PIK3C3: variants seen among roughly 807,000 people sequenced by gnomAD.
PIK3C3 encodes the protein phosphatidylinositol 3-kinase catalytic subunit type 3, also known as PI3-kinase type 3.
A neutral mutation model predicts 126.1 loss-of-function variants in PIK3C3; 95 were observed. The observed-to-expected ratio is 0.75, with a 90% confidence interval of 0.64 to 0.89. PIK3C3 has a LOEUF of 0.89. PIK3C3 is among the 40% of genes least tolerant of loss of function. The pLI is 0.00. For synonymous variants in PIK3C3, 374 were observed against 360.0 expected (o/e 1.04, Z -0.44); for missense variants, 829 against 1,063.2 (o/e 0.78, Z 3.06).
chr18:42,033,604 A>C (rs998229117), intron 15 of PIK3C3, among the ~76,000 whole-genome samples: 2 of 152,214 alleles, frequency 1.3e-5, no homozygotes, highest in African/African-American at 4.8e-5. Context: ...GAAAAGTCCA[A>C]CTTTCACAGT....
chr18:42,035,707 T>C (rs1404502526), intron 16 of PIK3C3, among the ~76,000 whole-genome samples: 1 of 152,008 alleles, frequency 6.6e-6, no homozygotes, highest in African/African-American at 2.4e-5. Context: ...ATGAAAGTGA[T>C]GGATTATGCA....
intron 12 of PIK3C3, among the ~76,000 whole-genome samples, 154 bp downstream of exon 12, chr18:42,015,720 C>G (rs1983044610): frequency 1.3e-5 from 2 of 152,112 alleles, no homozygotes; most frequent in Admixed American, 6.6e-5. Flanking sequence ...ACTTTTCCCC[C>G]TCAGCATAAA....
chr18:41,972,206 C>T (rs1980703929), intron 4 of PIK3C3, among the ~76,000 whole-genome samples: 1 of 152,144 alleles, frequency 6.6e-6, no homozygotes, highest in Non-Finnish European at 1.5e-5. Flanking sequence ...AGTAACCCTT[C>T]ATGCTTGTTC....
intron 24 of PIK3C3, among the ~76,000 whole-genome samples, chr18:42,079,837 T>C (rs902553824): frequency 1.3e-5 from 2 of 152,132 alleles, no homozygotes; most frequent in Non-Finnish European, 2.9e-5. Context: ...TTCAAAAGCC[T>C]TCAAAAAGAA....
At chr18:42,062,095 A>G (rs781022353) in intron 22 of PIK3C3, among the ~76,000 whole-genome samples, 5 of 152,174 alleles carry the variant, frequency 3.3e-5, no homozygotes, top group Non-Finnish European at 7.3e-5. Context: ...GAGAACTTCT[A>G]ATATATCTCT....
chr18:41,971,582 A>G (rs1344131465), intron 4 of PIK3C3: 1 of 152,072 alleles, frequency 6.6e-6, no homozygotes, highest in African/African-American at 2.4e-5. Flanking sequence ...GGATATAGGA[A>G]AGGTCTCAAG....
intron 12 of PIK3C3, among the ~76,000 whole-genome samples, chr18:42,020,372 A>G (rs1016162667): frequency 6.6e-6 from 1 of 152,050 alleles, no homozygotes; most frequent in African/African-American, 2.4e-5. Flanking sequence ...TATTTCTATG[A>G]CCATTTCTTT....
chr18:42,032,913 TG>T (rs1983895117), intron 15 of PIK3C3, among the ~76,000 whole-genome samples: 5 of 152,148 alleles, frequency 3.3e-5, no homozygotes. Flanking sequence ...TCTTTGTCCT[TG>T]AAACATACTA....
chr18:42,020,979 G>T (rs557991024), intron 13 of PIK3C3, among the ~76,000 whole-genome samples: 2 of 152,074 alleles, frequency 1.3e-5, no homozygotes, highest in South Asian at 4.1e-4. Context: ...TATCTGTTTG[G>T]CATGTAAAGT....
At chr18:42,072,816 C>T (rs1985831350) in intron 24 of PIK3C3, among the ~76,000 whole-genome samples, 2 of 152,082 alleles carry the variant, frequency 1.3e-5, no homozygotes, top group South Asian at 4.1e-4. Flanking sequence ...ATTACAAGCA[C>T]GAGCCACCAT....
chr18:41,992,428 G>A (rs556055109), intron 6 of PIK3C3, among the ~76,000 whole-genome samples: 1 of 152,152 alleles, frequency 6.6e-6, no homozygotes, highest in East Asian at 1.9e-4. Context: ...CCCGCTTTCA[G>A]TCTCTCTTGA....
intron 4 of PIK3C3, among the ~76,000 whole-genome samples, chr18:41,984,350 T>A (rs1220602678): frequency 1.3e-5 from 2 of 152,186 alleles, no homozygotes; most frequent in Non-Finnish European, 2.9e-5. Flanking sequence ...CAAGTATATC[T>A]ACATTGTTAT....
chr18:41,984,007 G>A (rs1981340958), intron 4 of PIK3C3, among the ~76,000 whole-genome samples: 1 of 142,266 alleles, frequency 7.0e-6, no homozygotes, highest in Non-Finnish European at 1.5e-5. Flanking sequence ...GTGACTTCCT[G>A]TGAATTCTGT....
chr18:42,038,682 T>C (rs1211572067), intron 17 of PIK3C3, 99 bp from the exon 18 acceptor site: 1 of 737,476 alleles, frequency 1.4e-6, no homozygotes, highest in Non-Finnish European at 2.3e-6. Flanking sequence ...CTTAACTTCC[T>C]AAATCTTTAT....
intron 10 of PIK3C3, among the ~76,000 whole-genome samples, chr18:42,007,622 G>A (rs944469858): frequency 1.3e-5 from 2 of 151,926 alleles, no homozygotes; most frequent in African/African-American, 2.4e-5. Context: ...TTATAAACTA[G>A]CCTACCCCAT....
intron 2 of PIK3C3, among the ~76,000 whole-genome samples, chr18:41,958,923 A>G (rs1568109028): frequency 6.6e-6 from 1 of 152,200 alleles, no homozygotes; most frequent in African/African-American, 2.4e-5. Flanking sequence ...CTCAAACGTT[A>G]TAACACCTTA....
intron 3 of PIK3C3, among the ~76,000 whole-genome samples, chr18:41,963,991 T>C (rs935303312): frequency 6.6e-6 from 1 of 152,144 alleles, no homozygotes; most frequent in Non-Finnish European, 1.5e-5. Context: ...TTTTAAATTA[T>C]TATCTTGAAT....
chr18:41,969,475 C>G (rs1056493142), intron 3 of PIK3C3, among the ~76,000 whole-genome samples: 1 of 152,058 alleles, frequency 6.6e-6, no homozygotes. Context: ...TTCTTGGTAG[C>G]TTTTTGACAA....
intron 24 of PIK3C3, among the ~76,000 whole-genome samples, chr18:42,068,610 C>T (rs1445475682): frequency 1.3e-5 from 2 of 152,134 alleles, no homozygotes; most frequent in East Asian, 3.8e-4. Flanking sequence ...CCCCCCACCT[C>T]CCACTTTTCC....
Sources: allele counts gnomAD v4.1 joint callset (sites outside exome capture counted in the v4.1 genomes callset), GRCh38; gene constraint gnomAD v4.1.1; transcripts MANE v1.5; gene names NCBI Gene and HGNC (gene_info 2026-07-23, HGNC 2026-07-21).